Variants in ITSN1 observed in about 807,000 individuals in gnomAD.
ITSN1 encodes the protein intersectin-1.
ITSN1 carries 58 observed loss-of-function variants against 239.8 expected under a neutral mutation model. The ratio of observed to expected loss-of-function variants is 0.24; its 90% confidence interval spans 0.20 to 0.30. The LOEUF is 0.30. Ranked by LOEUF, ITSN1 falls within the 10% of genes least tolerant of loss-of-function variation. The pLI, the probability that ITSN1 is intolerant of heterozygous loss-of-function variation, is 1.00. For synonymous variants in ITSN1, 780 were observed against 770.8 expected, an observed-to-expected ratio of 1.01 and a Z score of -0.20; for missense variants, 1,558 against 2,103.3, an observed-to-expected ratio of 0.74 and a Z score of 5.07.
chr21:33,814,100 A>G, intron 22 of ITSN1, 28 bp downstream of exon 22: 2 of 1,609,286 alleles, frequency 1.2e-6, no homozygotes, highest in Middle Eastern at 1.7e-4. Flanking sequence ...GAGTGTGAAG[A>G]CTTAGCATGC....
chr21:33,858,464 CT>C (rs550901852), intron 30 of ITSN1, among the ~76,000 whole-genome samples: 22 of 152,296 alleles, frequency 1.4e-4, no homozygotes, highest in Admixed American at 9.1e-4. Context: ...CCTCCTTCCC[CT>C]GTAAAACAAT....
intron 29 of ITSN1, among the ~76,000 whole-genome samples, chr21:33,849,900 C>A (rs2075105418): frequency 6.6e-6 from 1 of 152,036 alleles, no homozygotes; most frequent in Non-Finnish European, 1.5e-5. Context: ...TGCCTTTGTA[C>A]CCAAAAAACT....
In ITSN1 at chr21:33,886,275, TG is replaced by T. The variant is rs1437914601; in HGVS notation, c.4844-11del. ...GTGAGTTCCACCTGGCGAAGGCTTT[TG>T]TTCCCTCCAGGAAAGAGCAACCCGT... On this transcript the variant is annotated splice_polypyrimidine_tract_variant and intron_variant, in intron 38 of 39. Transcript: ENST00000381318. 6.2e-7 allele frequency: 1 copy of T among 1,610,800 alleles called. No individual in the cohort carries two copies. Among genetic ancestry groups the T allele is most frequent in the Non-Finnish European group, 8.5e-7 (1 of 1,179,046 alleles).
chr21:33,888,110 G>C (rs1345530343), intron 39 of ITSN1, 42 bp from the exon 40 acceptor site: 1 of 1,597,778 alleles, frequency 6.3e-7, no homozygotes, highest in Admixed American at 1.7e-5. Context: ...TCGAAGAGAG[G>C]GAATGGTCCC....
At chr21:33,789,427 C>A (rs972568813) in intron 16 of ITSN1, among the ~76,000 whole-genome samples, 1 of 152,024 alleles carries the variant, frequency 6.6e-6, no homozygotes, top group Non-Finnish European at 1.5e-5. Context: ...GTTTTGAGTT[C>A]ATGAAATTTA....
At chr21:33,743,677 C>G (rs189881431) in intron 5 of ITSN1, among the ~76,000 whole-genome samples, 3 of 151,966 alleles carry the variant, frequency 2.0e-5, no homozygotes, top group African/African-American at 7.2e-5. Context: ...ATCATGTGGC[C>G]AAGAATATCA....
intron 1 of ITSN1, among the ~76,000 whole-genome samples, chr21:33,718,431 G>T (rs2065293190): frequency 6.6e-6 from 1 of 152,162 alleles, no homozygotes; most frequent in South Asian, 2.1e-4. Flanking sequence ...TAAGCTTACA[G>T]AATAACAGTT....
intron 9 of ITSN1, 138 bp from the exon 10 acceptor site, chr21:33,765,737 C>G: frequency 1.3e-6 from 1 of 775,620 alleles, no homozygotes; most frequent in Non-Finnish European, 2.1e-6. Flanking sequence ...AAAATAGGTA[C>G]TATTTTGACA....
chr21:33,882,128 C>T lies in ITSN1; in HGVS notation c.4342-115C>T. The stretch of plus-strand genomic sequence containing the variant: ...CCAAAGTCTTCAAAGCTATCCTTGA[C>T]TTTTGCCTGAGATCCGAGTCTGCTG... On this transcript the variant is annotated intron_variant, in intron 34 of 39. Coordinates refer to ENST00000381318, the MANE Select transcript of ITSN1 (RefSeq NM_003024.3). The surrounding 1 kb of genome is among the most constrained non-coding windows in gnomAD (Gnocchi z 4.5). The T allele has an allele frequency of 1.2e-6, 1 of 850,894 alleles. No homozygotes were observed. The highest frequency in any genetic ancestry group is 1.8e-6 in the Non-Finnish European group (1 of 551,504). 52.7% of individuals were successfully genotyped at this position (850,894 alleles called of 1,614,324 possible). A position where few individuals can be genotyped will look rare whatever the true frequency, so the allele number is the denominator to read the frequency against.
chr21:33,766,088 T>C (rs988756055), intron 10 of ITSN1, 76 bp downstream of exon 10: 3 of 1,476,182 alleles, frequency 2.0e-6, no homozygotes, highest in Non-Finnish European at 2.8e-6. Context: ...TGACTATGTG[T>C]CTTACCTGAT....
At chr21:33,859,636 C>T (rs58277637) in intron 31 of ITSN1, among the ~76,000 whole-genome samples, 298 of 152,242 alleles carry the variant, frequency 2.0e-3, no homozygotes, top group African/African-American at 6.7e-3. Context: ...GATCTTCATC[C>T]GTGTCATTGG....
chr21:33,718,767 T>A (rs1032100233), intron 1 of ITSN1, 30 bp from the exon 2 acceptor site: 1 of 1,448,520 alleles, frequency 6.9e-7, no homozygotes, highest in African/African-American at 1.4e-5. Flanking sequence ...TAAGTTTTCA[T>A]AAACTTAAAT....
chr21:33,891,917 G>T lies in ITSN1; in HGVS notation c.*3617G>T, dbSNP rs1986389401. The T allele has an allele frequency of 6.6e-6, 1 of 151,514 alleles. No homozygotes were observed. Among genetic ancestry groups the T allele is most frequent in the Non-Finnish European group, 1.5e-5 (1 of 67,922 alleles). 9.4% of individuals were successfully genotyped at this position (151,514 alleles called of 1,614,324 possible). On this transcript the variant is annotated 3_prime_UTR_variant, in exon 40 of 40. Coordinates refer to ENST00000381318, the MANE Select transcript of ITSN1 (RefSeq NM_003024.3). Reference sequence around the variant, plus strand: ...TGTTTTGTACGTGTAACAACTTTAAGAATTTCCATTGGAAACAAAGTATGA... The same window carrying T: ...TGTTTTGTACGTGTAACAACTTTAATAATTTCCATTGGAAACAAAGTATGA...
At chr21:33,829,325 C>A in intron 26 of ITSN1, 1 of 375,224 alleles carries the variant, frequency 2.7e-6, no homozygotes, top group Non-Finnish European at 5.0e-6. Flanking sequence ...ACAGAAGGTG[C>A]CAGGAGTGGG....
chr21:33,864,989 T>C (rs1017389587), intron 31 of ITSN1, among the ~76,000 whole-genome samples, 162 bp from the exon 32 acceptor site: 2 of 152,200 alleles, frequency 1.3e-5, no homozygotes, highest in Non-Finnish European at 2.9e-5. Flanking sequence ...TCTGTAGCCC[T>C]AGACTCATTT....
At chr21:33,704,005 T>G (rs1481636737) in intron 1 of ITSN1, among the ~76,000 whole-genome samples, 1 of 152,178 alleles carries the variant, frequency 6.6e-6, no homozygotes, top group African/African-American at 2.4e-5. Context: ...GAGAGAAGAA[T>G]GCCTTTCCTT....
At chr21:33,766,085 G>T in intron 10 of ITSN1, 73 bp downstream of exon 10, 1 of 1,494,640 alleles carries the variant, frequency 6.7e-7, no homozygotes. Context: ...TATTGACTAT[G>T]TGTCTTACCT....
chr21:33,836,580 C>A lies in ITSN1; in HGVS notation c.3609C>A (p.Leu1203=), dbSNP rs1393791302. ...WKGEVNGQVG[L]FPSNYVKLTT... ...GAGAAGTCAATGGACAAGTGGGGCT[C>A]TTCCCATCCAATTATGTGAAGCTGA... Residue 1203 remains leucine (L), a synonymous_variant, in exon 29 of 40, where the codon CTC becomes CTA. Transcript: ENST00000381318. The A allele has an allele frequency of 6.2e-7, 1 of 1,614,058 alleles. No individual in the cohort carries two copies. The highest frequency in any genetic ancestry group is 8.5e-7 in the Non-Finnish European group (1 of 1,180,038).
At chr21:33,735,255 T>C (rs1043149074) in intron 5 of ITSN1, 51 bp downstream of exon 5, 8 of 1,565,046 alleles carry the variant, frequency 5.1e-6, no homozygotes, top group Non-Finnish European at 7.0e-6. Flanking sequence ...ATTTTAAAAA[T>C]AAATGTTTTC....
Sources: gnomAD v4.1 joint callset for allele counts (sites outside exome capture counted in the v4.1 genomes callset) on GRCh38, gnomAD v4.1.1 for gene constraint, Gnocchi (gnomAD v3.1) non-coding constraint, MANE v1.5 for transcripts, NCBI Gene and HGNC (gene_info 2026-07-23, HGNC 2026-07-21) for gene names.